ABI3BP: variants seen among roughly 807,000 people sequenced by gnomAD.
The protein encoded by ABI3BP is ABI family member 3 binding protein, also known as target of Nesh-SH3.
A neutral mutation model predicts 268.6 loss-of-function variants in ABI3BP; 216 were observed. That is an observed-to-expected ratio of 0.80 (90% CI 0.72 to 0.90). The LOEUF is 0.90. Ranked by LOEUF, ABI3BP falls within the 40% of genes least tolerant of loss-of-function variation. ABI3BP has a pLI of 0.00. For missense variants in ABI3BP, 2,090 were observed against 2,182.4 expected (o/e 0.96, Z 0.84); for synonymous variants, 730 against 730.0 (o/e 1.00, Z 0.00).
chr3:100,825,678 AT>A, intron 35 of ABI3BP, 106 bp downstream of exon 35: 1 of 876,020 alleles, frequency 1.1e-6, no homozygotes, highest in Non-Finnish European at 1.8e-6. Flanking sequence ...GATGTTTGCT[AT>A]TTTGTAGAGG....
intron 57 of ABI3BP, among the ~76,000 whole-genome samples, chr3:100,781,913 A>G (rs1323962915): frequency 6.6e-6 from 1 of 152,202 alleles, no homozygotes; most frequent in African/African-American, 2.4e-5. Context: ...CAATTTGCCC[A>G]AGGTCTCACA....
At chr3:100,899,027 T>C (rs1415030681) in intron 3 of ABI3BP, 133 bp from the exon 4 acceptor site, 7 of 975,556 alleles carry the variant, frequency 7.2e-6, no homozygotes, top group Admixed American at 2.5e-5. Context: ...TCCTTTTCTA[T>C]AGTCCACATT....
At chr3:100,771,479 C>T (rs1035634723) in intron 61 of ABI3BP, among the ~76,000 whole-genome samples, 10 of 151,368 alleles carry the variant, frequency 6.6e-5, no homozygotes, top group African/African-American at 2.4e-4. Flanking sequence ...CATTTGAAAC[C>T]AATGTAGATC....
chr3:100,843,436 G>A, intron 20 of ABI3BP, among the ~76,000 whole-genome samples: 1 of 151,192 alleles, frequency 6.6e-6, no homozygotes, highest in East Asian at 1.9e-4. Context: ...GAGTCTGTAT[G>A]ACAGAAGAGA....
In ABI3BP at chr3:100,811,285, A is replaced by G. The variant is rs1391645961; in HGVS notation, c.3494-8T>C. 1.3e-6 allele frequency: 2 copies of G among 1,529,640 alleles called. No individual in the cohort carries two copies. The highest frequency in any genetic ancestry group is 2.4e-5 in the East Asian group (1 of 40,838). 94.8% of individuals were successfully genotyped at this position (1,529,640 alleles called of 1,614,324 possible). On this transcript the variant is annotated splice_region_variant and splice_polypyrimidine_tract_variant and intron_variant, in intron 47 of 67. Transcript: ENST00000471714. ...ATGTAATAGATTCCACAACTGTACCAAAACAAAGGAGAAAAATTTTAGAAA... is the reference window on the plus strand; with the variant it reads ...ATGTAATAGATTCCACAACTGTACCGAAACAAAGGAGAAAAATTTTAGAAA...
At chr3:100,820,108 G>T in intron 40 of ABI3BP, 112 bp downstream of exon 40, 1 of 887,770 alleles carries the variant, frequency 1.1e-6, no homozygotes, top group Non-Finnish European at 1.7e-6. Flanking sequence ...CACATCTTTT[G>T]TGCCTTCATC....
intron 6 of ABI3BP, among the ~76,000 whole-genome samples, chr3:100,882,570 T>A (rs2039919068): frequency 6.6e-6 from 1 of 151,668 alleles, no homozygotes; most frequent in Non-Finnish European, 1.5e-5. Context: ...TTTAAACTCA[T>A]CAGAGCTGGC....
At chr3:100,755,600 T>C (rs2149345037) in intron 63 of ABI3BP, among the ~76,000 whole-genome samples, 1 of 152,374 alleles carries the variant, frequency 6.6e-6, no homozygotes, top group Non-Finnish European at 1.5e-5. Flanking sequence ...TAAGTTCCGT[T>C]GATTGTATCC....
intron 21 of ABI3BP, 60 bp from the exon 22 acceptor site, chr3:100,840,918 A>T: frequency 7.4e-7 from 1 of 1,351,508 alleles, no homozygotes; most frequent in East Asian, 2.5e-5. Context: ...AATGACATGT[A>T]TTTAAAACAT....
chr3:100,886,133 G>A lies in ABI3BP; in HGVS notation c.643+9C>T, dbSNP rs773458872. The A allele has an allele frequency of 1.3e-6, 2 of 1,555,828 alleles. No individual in the cohort carries two copies. The highest frequency in any genetic ancestry group is 1.7e-6 in the Non-Finnish European group (2 of 1,155,882). On this transcript the variant is annotated intron_variant, in intron 5 of 67. Coordinates refer to ENST00000471714, the MANE Select transcript of ABI3BP (RefSeq NM_001375547.2). The stretch of plus-strand genomic sequence containing the variant: ...AAGCTTACTGAAACAAACATTTCTA[G>A]GTACTTACTTCCAACAACAGTCTTG...
rs774224420 is a variant in ABI3BP, at chr3:100,829,616, G to C, written c.2507C>G (p.Thr836Ser). ...RTHRPHPKPKTTLSPEELQTE... is the reference protein window; with the variant it reads ...RTHRPHPKPKSTLSPEELQTE... Reference sequence around the variant, plus strand: ...CTGAAGCTCTTCGGGACTCAGTGTGGTTTTAGGTTTGGGATGTGGACGATG... The same window carrying C: ...CTGAAGCTCTTCGGGACTCAGTGTGCTTTTAGGTTTGGGATGTGGACGATG... The change falls in exon 33 of 68, where the codon ACC (threonine) becomes AGC (serine). Residue 836 changes from threonine (T) to serine (S), a missense_variant. Thr to Ser is a moderately conservative substitution (Grantham distance 58). Coordinates refer to ENST00000471714, the MANE Select transcript of ABI3BP (RefSeq NM_001375547.2). The C allele has an allele frequency of 7.2e-6, 11 of 1,535,634 alleles. No individual in the cohort carries two copies. Among genetic ancestry groups the C allele is most frequent in the Non-Finnish European group, 9.6e-6 (11 of 1,146,512 alleles).
chr3:100,938,969 A>G (rs1409060271), intron 1 of ABI3BP, among the ~76,000 whole-genome samples: 1 of 152,148 alleles, frequency 6.6e-6, no homozygotes, highest in Non-Finnish European at 1.5e-5. Context: ...CTGTGCATGC[A>G]TGTGTGTGTG....
At chr3:100,750,664 C>A in intron 67 of ABI3BP, 54 bp from the exon 68 acceptor site, 1 of 1,328,036 alleles carries the variant, frequency 7.5e-7, no homozygotes, top group Admixed American at 1.8e-5. Context: ...TTTTTGCCCT[C>A]ACAGCTCATA....
intron 21 of ABI3BP, among the ~76,000 whole-genome samples, chr3:100,841,194 C>CTTTTTTTTTTTTTTTTTTTTTTTTT (rs60261694): frequency 7.6e-5 from 3 of 39,630 alleles, no homozygotes; most frequent in East Asian, 1.0e-3. Context: ...CATTAGAACA[C>CTTTTTTTTTTTTTTTTTTTTTTTTT]TTTTTTTTTT....
At chr3:100,929,479 T>C (rs2062931304) in intron 1 of ABI3BP, among the ~76,000 whole-genome samples, 1 of 152,058 alleles carries the variant, frequency 6.6e-6, no homozygotes, top group African/African-American at 2.4e-5. Context: ...TGTTCTACTT[T>C]TTCTAAAATT....
Position 100,939,504 on chromosome 3 carries a change from G to A in ABI3BP, c.80-13023C>T, listed in dbSNP as rs773676003. On this transcript the variant is annotated intron_variant, in intron 1 of 67. Coordinates refer to ENST00000471714, the MANE Select transcript of ABI3BP (RefSeq NM_001375547.2). ...GCATCCGGGGAAGACATCACGTGTC[G>A]GTAGGTTCTGTGATGCCCCCACAAG... Among the ~76,000 whole-genome samples the A allele has an allele frequency of 2.6e-4, 39 of 152,038 alleles. 1 individual carries two copies. Among genetic ancestry groups the A allele is most frequent in the Non-Finnish European group, 3.4e-4 (23 of 67,956 alleles).
At position 100,874,886 on chromosome 3, in the gene ABI3BP, C is replaced by T. The variant is rs373818981; in HGVS notation, c.865G>A (p.Ala289Thr). The change falls in exon 9 of 68, where the codon GCA becomes ACA. Residue 289 changes from alanine (A) to threonine (T), a missense_variant. Physicochemically the swap from Ala to Thr is moderately conservative, Grantham distance 58. Transcript: ENST00000471714. ...GLNETTVKLP[A>T]SLMFEISDAL... ...TCTGAAATCTCAAACATTAGGGATG[C>T]AGGAAGTTTTACAGTAGTTTCATTA... 6 of 1,601,266 alleles carry T rather than the reference C, an allele frequency of 3.7e-6. No homozygotes were observed. Among genetic ancestry groups the T allele is most frequent in the Non-Finnish European group, 5.1e-6 (6 of 1,173,070 alleles).
chr3:100,762,001 A>G (rs1260080569), intron 63 of ABI3BP, among the ~76,000 whole-genome samples: 1 of 152,244 alleles, frequency 6.6e-6, no homozygotes, highest in African/African-American at 2.4e-5. Context: ...GGGAATTTTA[A>G]CAGCTATAAT....
At chr3:100,811,564 A>G (rs1235268235) in intron 47 of ABI3BP, among the ~76,000 whole-genome samples, 164 bp downstream of exon 47, 1 of 152,158 alleles carries the variant, frequency 6.6e-6, no homozygotes, top group Non-Finnish European at 1.5e-5. Flanking sequence ...GAGAGAGTCA[A>G]TTATCACTTT....
Sources: allele counts gnomAD v4.1 joint callset (sites outside exome capture counted in the v4.1 genomes callset), GRCh38; gene constraint gnomAD v4.1.1; transcripts MANE v1.5; gene names NCBI Gene and HGNC (gene_info 2026-07-23, HGNC 2026-07-21).